CNTN4: variants seen among roughly 807,000 people sequenced by gnomAD.
CNTN4 encodes the protein contactin-4.
Under a neutral mutation model 122.5 loss-of-function variants are expected in CNTN4, and 77 were observed. The ratio of observed to expected loss-of-function variants is 0.63; its 90% CI spans 0.52 to 0.76. The LOEUF (loss-of-function observed/expected upper bound fraction) is 0.76. Among genes scored for constraint, CNTN4 ranks in the 30% least tolerant of loss-of-function variants. CNTN4 has a pLI of 0.00. For synonymous variants in CNTN4, 512 were observed against 447.0 expected (o/e 1.15, Z -1.83); for missense variants, 1,256 against 1,259.1 (o/e 1.00, Z 0.04).
At chr3:2,310,663 A>G (rs1432164346) in intron 2 of CNTN4, among the ~76,000 whole-genome samples, 1 of 152,086 alleles carries the variant, frequency 6.6e-6, no homozygotes, top group East Asian at 1.9e-4. Flanking sequence ...TTGTACCCCA[A>G]TGGCATATCG....
intron 4 of CNTN4, among the ~76,000 whole-genome samples, chr3:2,673,744 A>G (rs531151734): frequency 1.3e-5 from 2 of 151,930 alleles, no homozygotes; most frequent in Non-Finnish European, 2.9e-5. Flanking sequence ...GGGTTTCACC[A>G]TGTTAGCCAG....
intron 3 of CNTN4, among the ~76,000 whole-genome samples, chr3:2,567,337 C>T (rs1258956101): frequency 6.6e-6 from 1 of 151,680 alleles, no homozygotes; most frequent in Non-Finnish European, 1.5e-5. Context: ...CCACCCACCT[C>T]GGCCTCCCAA....
intron 2 of CNTN4, among the ~76,000 whole-genome samples, chr3:2,272,164 CA>C (rs1346211810): frequency 9.5e-6 from 1 of 105,118 alleles, no homozygotes; most frequent in African/African-American, 2.9e-5. Flanking sequence ...ATTAAAATTA[CA>C]AGTTTTTTTT....
At chr3:2,935,976 A>C (rs1470872740) in intron 13 of CNTN4, among the ~76,000 whole-genome samples, 1 of 152,238 alleles carries the variant, frequency 6.6e-6, no homozygotes, top group Non-Finnish European at 1.5e-5. Flanking sequence ...ATTTGAAAGG[A>C]AAGTAGAGTG....
chr3:2,550,779 G>T (rs2078466723), intron 3 of CNTN4, among the ~76,000 whole-genome samples: 1 of 152,134 alleles, frequency 6.6e-6, no homozygotes, highest in Non-Finnish European at 1.5e-5. Flanking sequence ...CATAAAAAAG[G>T]ATGAGCGTAT....
chr3:2,738,428 C>T (rs529413722), intron 5 of CNTN4, among the ~76,000 whole-genome samples: 1 of 152,062 alleles, frequency 6.6e-6, no homozygotes, highest in African/African-American at 2.4e-5. Flanking sequence ...TTTAGGCAGA[C>T]GGCAACCAAA....
At chr3:2,539,285 C>A (rs1439566301) in intron 3 of CNTN4, among the ~76,000 whole-genome samples, 1 of 152,016 alleles carries the variant, frequency 6.6e-6, no homozygotes, top group Non-Finnish European at 1.5e-5. Context: ...AATCAGAATT[C>A]TGATTTTCTG....
chr3:2,611,308 A>AAAAAAAAAAAAAAAAAAAAAAAAAAAAAT (rs2081477547), intron 4 of CNTN4, among the ~76,000 whole-genome samples: 1 of 149,160 alleles, frequency 6.7e-6, no homozygotes, highest in Admixed American at 6.7e-5. Context: ...AAAAAAAAAA[A>AAAAAAAAAAAAAAAAAAAAAAAAAAAAAT]AAAAGAAAGA....
chr3:2,588,021 C>T (rs1200643025), intron 4 of CNTN4, among the ~76,000 whole-genome samples: 1 of 151,694 alleles, frequency 6.6e-6, no homozygotes, highest in Non-Finnish European at 1.5e-5. Flanking sequence ...CTATTTTTGT[C>T]CAATCTCTAC....
chr3:2,832,640 TATGGACATGGGGAA>T (rs1403696143), intron 7 of CNTN4, among the ~76,000 whole-genome samples: 2 of 152,136 alleles, frequency 1.3e-5, no homozygotes, highest in African/African-American at 4.8e-5. Context: ...GGCACATGAG[TATGGACATGGGGAA>T]GGGTGTTTCA....
chr3:2,407,955 A>G (rs997476453), intron 3 of CNTN4, among the ~76,000 whole-genome samples: 2 of 152,176 alleles, frequency 1.3e-5, no homozygotes, highest in African/African-American at 2.4e-5. Flanking sequence ...CATTTTAAAT[A>G]CTTGTGACAT....
chr3:2,641,461 A>T (rs1214213066), intron 4 of CNTN4, among the ~76,000 whole-genome samples: 1 of 152,184 alleles, frequency 6.6e-6, no homozygotes, highest in African/African-American at 2.4e-5. Context: ...GAAATATCTC[A>T]TTTAAGCAAT....
At chr3:2,869,703 A>G (rs1489082189) in intron 8 of CNTN4, among the ~76,000 whole-genome samples, 2 of 152,214 alleles carry the variant, frequency 1.3e-5, no homozygotes, top group Admixed American at 6.5e-5. Flanking sequence ...CATTATGATC[A>G]AGGAAAGATC....
At chr3:2,812,273 A>C (rs764460460) in intron 6 of CNTN4, among the ~76,000 whole-genome samples, 2 of 152,212 alleles carry the variant, frequency 1.3e-5, no homozygotes, top group Non-Finnish European at 2.9e-5. Context: ...TAAACTTAAA[A>C]GTTTTAAAAA....
intron 4 of CNTN4, among the ~76,000 whole-genome samples, chr3:2,730,817 C>G (rs2088622331): frequency 6.6e-6 from 1 of 152,072 alleles, no homozygotes; most frequent in Non-Finnish European, 1.5e-5. Flanking sequence ...CCCATCCATT[C>G]AGATTCTCTT....
intron 2 of CNTN4, among the ~76,000 whole-genome samples, chr3:2,106,351 A>G (rs2032441414): frequency 1.3e-5 from 2 of 152,200 alleles, no homozygotes; most frequent in South Asian, 2.1e-4. Context: ...GAGGTTCTTC[A>G]TGAGGGCTCT....
chr3:2,501,888 A>G (rs1456037434), intron 3 of CNTN4, among the ~76,000 whole-genome samples: 1 of 152,186 alleles, frequency 6.6e-6, no homozygotes, highest in Non-Finnish European at 1.5e-5. Context: ...TGGGTGCATG[A>G]GATCCTGACA....
At chr3:2,320,631 AT>A (rs2043246575) in intron 2 of CNTN4, among the ~76,000 whole-genome samples, 1 of 151,976 alleles carries the variant, frequency 6.6e-6, no homozygotes, top group African/African-American at 2.4e-5. Flanking sequence ...TTAATTTACC[AT>A]TTTCATGATG....
At chr3:2,197,420 A>G (rs957736163) in intron 2 of CNTN4, among the ~76,000 whole-genome samples, 3 of 152,224 alleles carry the variant, frequency 2.0e-5, no homozygotes, top group African/African-American at 7.2e-5. Flanking sequence ...TGCATTTACA[A>G]TTTATTGAGT....
Sources: gnomAD v4.1 joint callset for allele counts (sites outside exome capture counted in the v4.1 genomes callset) on GRCh38, gnomAD v4.1.1 for gene constraint, MANE v1.5 for transcripts, NCBI Gene and HGNC (gene_info 2026-07-23, HGNC 2026-07-21) for gene names.